The following DCDC1 variants were observed in gnomAD, a reference collection of about 807,000 sequenced individuals.
The protein encoded by DCDC1 is doublecortin domain-containing protein 1.
DCDC1 carries 200 observed loss-of-function variants against 178.3 expected under a neutral mutation model. The observed-to-expected ratio is 1.12, with a 90% confidence interval of 1.00 to 1.26. The LOEUF (loss-of-function observed/expected upper bound fraction) is 1.26, where lower values mean the gene tolerates loss of function less well. DCDC1 is among the 50% of genes most tolerant of loss of function. DCDC1 has a pLI of 0.00. For synonymous variants in DCDC1, 690 were observed against 604.8 expected (o/e 1.14, Z -2.07); for missense variants, 1,983 against 1,749.2 (o/e 1.13, Z -2.38).
intron 12 of DCDC1, among the ~76,000 whole-genome samples, chr11:31,109,951 A>C (rs1959095737): frequency 6.6e-6 from 1 of 152,130 alleles, no homozygotes; most frequent in Non-Finnish European, 1.5e-5. Flanking sequence ...CCCTCCACTG[A>C]ATATATCACT....
chr11:30,973,494 G>A (rs1435227676), intron 20 of DCDC1, among the ~76,000 whole-genome samples: 1 of 152,044 alleles, frequency 6.6e-6, no homozygotes, highest in Non-Finnish European at 1.5e-5. Flanking sequence ...CATTAATACA[G>A]TGGCTTACAA....
intron 11 of DCDC1, among the ~76,000 whole-genome samples, chr11:31,112,345 G>C (rs1959191616): frequency 6.6e-6 from 1 of 152,026 alleles, no homozygotes; most frequent in South Asian, 2.1e-4. Flanking sequence ...AATATCCAAT[G>C]TTTAAACAAA....
At chr11:30,964,215 G>A (rs158584) in intron 20 of DCDC1, among the ~76,000 whole-genome samples, 13,332 of 152,210 alleles carry the variant, frequency 0.088, 674 homozygotes, top group Middle Eastern at 0.17. Context: ...GTGAGGTATA[G>A]TGATTAATGG....
chr11:31,272,231 C>G (rs902201732), intron 7 of DCDC1, among the ~76,000 whole-genome samples: 2 of 151,712 alleles, frequency 1.3e-5, no homozygotes, highest in Non-Finnish European at 2.9e-5. Context: ...CGGGAAAGAC[C>G]TGCCACCATG....
intron 7 of DCDC1, among the ~76,000 whole-genome samples, chr11:31,275,244 C>T (rs1945892091): frequency 6.6e-6 from 1 of 152,114 alleles, no homozygotes; most frequent in Non-Finnish European, 1.5e-5. Flanking sequence ...TAAAATTATG[C>T]TGTAAAGTAT....
chr11:31,265,451 A>C, intron 8 of DCDC1, 56 bp downstream of exon 8: 1 of 1,017,406 alleles, frequency 9.8e-7, no homozygotes, highest in South Asian at 2.3e-5. Flanking sequence ...GTAAAAACAA[A>C]ATATAAATGT....
At chr11:31,283,366 T>G (rs199777454) in intron 7 of DCDC1, among the ~76,000 whole-genome samples, 3 of 27,814 alleles carry the variant, frequency 1.1e-4, no homozygotes, top group African/African-American at 2.7e-4. Context: ...TAAACCCAGG[T>G]TTTTTTTTTT....
At chr11:31,163,028 C>A (rs1046539631) in intron 9 of DCDC1, among the ~76,000 whole-genome samples, 4 of 152,142 alleles carry the variant, frequency 2.6e-5, no homozygotes, top group Non-Finnish European at 1.5e-5. Flanking sequence ...TCAAATCTAG[C>A]ACTTCCCACC....
chr11:31,153,817 C>CACACACA (rs957007039), intron 9 of DCDC1, among the ~76,000 whole-genome samples: 19 of 150,104 alleles, frequency 1.3e-4, no homozygotes, highest in African/African-American at 4.4e-4. Context: ...CACACACACA[C>CACACACA]AATTACCATA....
intron 20 of DCDC1, among the ~76,000 whole-genome samples, chr11:31,037,531 A>G (rs1005558596): frequency 1.3e-5 from 2 of 150,006 alleles, no homozygotes; most frequent in Non-Finnish European, 3.0e-5. Flanking sequence ...CTCCCGGGAT[A>G]CGCCATTCTC....
At chr11:31,269,686 T>C (rs768047196) in intron 7 of DCDC1, among the ~76,000 whole-genome samples, 22 of 152,162 alleles carry the variant, frequency 1.4e-4, no homozygotes, top group Admixed American at 4.6e-4. Context: ...GCACCTGGCC[T>C]GTTAATTCCA....
chr11:31,192,980 TCTC>T (rs1382912157), intron 9 of DCDC1, among the ~76,000 whole-genome samples: 1 of 152,066 alleles, frequency 6.6e-6, no homozygotes, highest in Non-Finnish European at 1.5e-5. Context: ...ACATCCATCT[TCTC>T]CTGCTCTCGG....
intron 8 of DCDC1, among the ~76,000 whole-genome samples, chr11:31,255,911 G>A (rs752143446): frequency 9.2e-5 from 14 of 152,170 alleles, no homozygotes; most frequent in Admixed American, 2.0e-4. Context: ...ATCCACAGTC[G>A]TGAAAATGTG....
At chr11:31,100,540 G>T (rs1010122389) in intron 15 of DCDC1, among the ~76,000 whole-genome samples, 1 of 152,208 alleles carries the variant, frequency 6.6e-6, no homozygotes, top group Non-Finnish European at 1.5e-5. Context: ...AGAGTAAGTT[G>T]AGTAAAGCCT....
At chr11:30,950,949 C>T (rs978467278) in intron 21 of DCDC1, among the ~76,000 whole-genome samples, 9 of 151,762 alleles carry the variant, frequency 5.9e-5, no homozygotes. Context: ...ACATGATATG[C>T]CTGTATCAAA....
intron 20 of DCDC1, among the ~76,000 whole-genome samples, chr11:31,030,693 G>C (rs957655891): frequency 6.6e-6 from 1 of 152,104 alleles, no homozygotes; most frequent in Non-Finnish European, 1.5e-5. Context: ...ATGTCTGCCT[G>C]GGTGAAGCCA....
At chr11:30,959,063 G>T (rs888853117) in intron 20 of DCDC1, among the ~76,000 whole-genome samples, 1 of 152,086 alleles carries the variant, frequency 6.6e-6, no homozygotes, top group Non-Finnish European at 1.5e-5. Flanking sequence ...TCAAAGCACT[G>T]GCCAAGAATA....
chr11:31,263,755 T>C (rs1162995039), intron 8 of DCDC1, among the ~76,000 whole-genome samples: 1 of 152,134 alleles, frequency 6.6e-6, no homozygotes, highest in Non-Finnish European at 1.5e-5. Context: ...GGGAAACAAA[T>C]GGAAGTATCT....
chr11:31,224,850 C>A (rs58702363), intron 9 of DCDC1, among the ~76,000 whole-genome samples: 50,318 of 151,902 alleles, frequency 0.33, 9,037 homozygotes, highest in East Asian at 0.63. Flanking sequence ...ATTTAAAAAT[C>A]AAAAAATAAT....
Sources: allele counts gnomAD v4.1 joint callset (sites outside exome capture counted in the v4.1 genomes callset), GRCh38; gene constraint gnomAD v4.1.1; transcripts MANE v1.5; gene names NCBI Gene and HGNC (gene_info 2026-07-23, HGNC 2026-07-21).